FBXO46: variants seen among roughly 807,000 people sequenced by gnomAD.
The protein encoded by FBXO46 is F-box protein 46.
Under a neutral mutation model 30.7 loss-of-function variants are expected in FBXO46, and 13 were observed. The ratio of observed to expected loss-of-function variants is 0.42; its 90% CI spans 0.28 to 0.67. FBXO46 has a LOEUF of 0.67. FBXO46 is among the 30% of genes least tolerant of loss of function. The probability of loss-of-function intolerance (pLI) is 0.21; values close to 1 mark genes in which losing one functional copy is unlikely to be tolerated. For missense variants in FBXO46, 754 were observed against 871.5 expected (o/e 0.87, Z 1.70); for synonymous variants, 467 against 385.8 (o/e 1.21, Z -2.47).
In FBXO46 at chr19:45,712,894, A is replaced by G; in HGVS notation, c.602T>C (p.Phe201Ser). 6.2e-7 allele frequency: 1 copy of G among 1,613,266 alleles called. No homozygotes were observed. Among genetic ancestry groups the G allele is most frequent in the East Asian group, 2.2e-5 (1 of 44,846 alleles). Residue 201 changes from phenylalanine (F) to serine (S), a missense_variant, in exon 2 of 2, where the codon TTT (phenylalanine) becomes TCT (serine). This residue lies in a region of FBXO46 where 454 missense variants were observed against 426.5 expected (regional missense o/e 1.06). Coordinates refer to ENST00000317683, the MANE Select transcript of FBXO46 (RefSeq NM_001080469.2). This position sits in a 1 kb window ranked among gnomAD's most constrained non-coding sequence, Gnocchi z 8.8. Reference sequence around the variant, plus strand: ...CGGTCCACCTTGCTCGGCGGACACAAAGACTACAGGCGCTGGGGTGGTCGG... The same window carrying G: ...CGGTCCACCTTGCTCGGCGGACACAGAGACTACAGGCGCTGGGGTGGTCGG... ...PRPTTPAPVV[F>S]VSAEQGGPAK...
chr19:45,720,417 G>A (rs1968153442), intron 1 of FBXO46, among the ~76,000 whole-genome samples: 1 of 152,084 alleles, frequency 6.6e-6, no homozygotes. Flanking sequence ...ACAGGCGTGA[G>A]CCACTGCACC....
chr19:45,725,745 T>TA (rs1968230978), intron 1 of FBXO46, among the ~76,000 whole-genome samples: 1 of 152,060 alleles, frequency 6.6e-6, no homozygotes, highest in African/African-American at 2.4e-5. Flanking sequence ...AAAACTTAAA[T>TA]AAAAATGAAT....
intron 1 of FBXO46, among the ~76,000 whole-genome samples, chr19:45,726,162 T>C (rs1354371861): frequency 1.3e-5 from 2 of 151,362 alleles, no homozygotes; most frequent in Non-Finnish European, 2.9e-5. Context: ...GGCAACATAG[T>C]GAGAACCCGT....
chr19:45,731,075 G>T (rs1215433086), upstream of FBXO46, among the ~76,000 whole-genome samples: 7 of 152,224 alleles, frequency 4.6e-5, no homozygotes, highest in Admixed American at 4.6e-4. Context: ...ACAAAGCCGG[G>T]GAGGACTTGG....
chr19:45,725,525 GT>G (rs1216124790), intron 1 of FBXO46, among the ~76,000 whole-genome samples: 1 of 151,948 alleles, frequency 6.6e-6, no homozygotes, highest in African/African-American at 2.4e-5. Flanking sequence ...GAGTCTCATT[GT>G]TCAGGACTAG....
chr19:45,718,128 C>T (rs962538625), intron 1 of FBXO46, among the ~76,000 whole-genome samples: 2 of 152,166 alleles, frequency 1.3e-5, no homozygotes, highest in Non-Finnish European at 2.9e-5. Context: ...CAGTCGCATC[C>T]CTCCCCACTC....
At position 45,711,602 on chromosome 19, in the gene FBXO46, G is replaced by C. The variant is rs1456613870; in HGVS notation, c.*82C>G. On this transcript the variant is annotated 3_prime_UTR_variant, in exon 2 of 2. Coordinates refer to ENST00000317683, the MANE Select transcript of FBXO46 (RefSeq NM_001080469.2). Reference sequence around the variant, plus strand: ...GCTGCCTGGAGTAGGGGAATGGGCAGGCGGCCCAGTCCGGACCCTCGGCTC... The same window carrying C: ...GCTGCCTGGAGTAGGGGAATGGGCACGCGGCCCAGTCCGGACCCTCGGCTC... The C allele has an allele frequency of 2.7e-6, 3 of 1,093,038 alleles. No homozygotes were observed. Among genetic ancestry groups the C allele is most frequent in the Non-Finnish European group, 4.0e-6 (3 of 742,898 alleles). The allele number at this position is 1,093,038 out of a possible 1,614,324, so 67.7% of individuals were successfully genotyped here.
In FBXO46 at chr19:45,711,031, TTG is replaced by T. The variant is rs200723466; in HGVS notation, c.*651_*652del. ...GGGTTTTTATACTTCAGCTTTTTTT[TTG>T]TCTGCCCCCCTCTTCCTCTACGCGG... is the stretch of plus-strand genomic sequence containing the variant. On this transcript the variant is annotated 3_prime_UTR_variant, in exon 2 of 2. Transcript: ENST00000317683. 102 of 228,700 alleles carry T rather than the reference TTG, an allele frequency of 4.5e-4. No individual in the cohort carries two copies. Among genetic ancestry groups the T allele is most frequent in the African/African-American group, 1.8e-3 (64 of 35,304 alleles). The allele number at this position is 228,700 out of a possible 1,614,324, so 14.2% of individuals were successfully genotyped here. A position where few individuals can be genotyped will look rare whatever the true frequency, so the allele number is the denominator to read the frequency against.
In FBXO46 at chr19:45,713,883, G is replaced by A. The variant is rs545404478; in HGVS notation, c.-78-310C>T. 2.6e-4 allele frequency among the ~76,000 whole-genome samples: 38 copies of A among 148,850 alleles called. No individual in the cohort carries two copies. The highest frequency in any genetic ancestry group is 9.0e-4 in the African/African-American group (36 of 40,208). The stretch of plus-strand genomic sequence containing the variant: ...CTTGGGAGGCTGAGGCACGAGAATC[G>A]CTTGAACCTGGGAGGTGGAGGTTGC... On this transcript the variant is annotated intron_variant, in intron 1 of 1. Coordinates refer to ENST00000317683, the MANE Select transcript of FBXO46 (RefSeq NM_001080469.2). The surrounding 1 kb of genome is among the most constrained non-coding windows in gnomAD (Gnocchi z 4.7).
intron 1 of FBXO46, chr19:45,715,813 A>AG (rs1248257623): frequency 1.3e-5 from 2 of 151,042 alleles, no homozygotes; most frequent in Non-Finnish European, 3.0e-5. Flanking sequence ...TCTCAAAAAA[A>AG]AAAAAAAAAA....
intron 1 of FBXO46, among the ~76,000 whole-genome samples, chr19:45,717,733 G>A (rs905441657): frequency 1.0e-4 from 15 of 147,622 alleles, no homozygotes; most frequent in Admixed American, 8.9e-4. Context: ...AAGGCGGAAG[G>A]AAGCAGGCGG....
chr19:45,720,959 C>G (rs1346027288), intron 1 of FBXO46, among the ~76,000 whole-genome samples: 1 of 147,620 alleles, frequency 6.8e-6, no homozygotes, highest in Non-Finnish European at 1.5e-5. Context: ...CGAGATTGCA[C>G]CACTGCACTC....
At chr19:45,727,263 GAA>G (rs60110826) in intron 1 of FBXO46, among the ~76,000 whole-genome samples, 11 of 146,998 alleles carry the variant, frequency 7.5e-5, no homozygotes, top group African/African-American at 1.8e-4. Context: ...CAAAAAAAAA[GAA>G]AAAAAAAAAG....
In FBXO46 at chr19:45,711,635, G is replaced by C; in HGVS notation, c.*49C>G. 1 of 1,407,514 alleles carries C rather than the reference G, an allele frequency of 7.1e-7. No individual in the cohort carries two copies. The highest frequency in any genetic ancestry group is 9.7e-7 in the Non-Finnish European group (1 of 1,030,190). 87.2% of individuals were successfully genotyped at this position (1,407,514 alleles called of 1,614,324 possible). On this transcript the variant is annotated 3_prime_UTR_variant, in exon 2 of 2. Coordinates refer to ENST00000317683, the MANE Select transcript of FBXO46 (RefSeq NM_001080469.2). ...AGTCCGGACCCTCGGCTCCCGGGGGGAGAGGGGAGGGGTGGGCGTGGTGGG... is the reference window on the plus strand; with the variant it reads ...AGTCCGGACCCTCGGCTCCCGGGGGCAGAGGGGAGGGGTGGGCGTGGTGGG...
rs558196108 is a variant in FBXO46 at position 45,711,225 on chromosome 19, T to C, written c.*459A>G. On this transcript the variant is annotated 3_prime_UTR_variant, in exon 2 of 2. Transcript: ENST00000317683. ...GAGGTGAGAGCTGTCGTGTGGCAGG[T>C]TAGGAGAGGTGCCAACCTTGGGCGA... 2 of 424,774 alleles carry C rather than the reference T, an allele frequency of 4.7e-6. No individual in the cohort carries two copies. Among genetic ancestry groups the C allele is most frequent in the South Asian group, 1.7e-5 (1 of 58,538 alleles). The allele number at this position is 424,774 out of a possible 1,614,324, so 26.3% of individuals were successfully genotyped here.
At position 45,712,143 on chromosome 19, in the gene FBXO46, G is replaced by A. The variant is rs555629800; in HGVS notation, c.1353C>T (p.His451=). 39 of 1,594,612 alleles carry A rather than the reference G, an allele frequency of 2.4e-5. No homozygotes were observed. Among genetic ancestry groups the A allele is most frequent in the Admixed American group, 2.0e-4 (11 of 56,410 alleles). Residue 451 remains histidine (H), a synonymous_variant, in exon 2 of 2, where the codon CAC becomes CAT. Transcript: ENST00000317683. The surrounding 1 kb of genome is among the most constrained non-coding windows in gnomAD (Gnocchi z 8.8). ...GGATCTCTAGGAAGTCGTGCGACAC[G>A]TGCCGGTACAAGCGGCACAGGGAGG... is the stretch of plus-strand genomic sequence containing the variant. The part of the protein sequence containing the change: ...ADTSLCRLYR[H]VSHDFLEIRF...
intron 1 of FBXO46, among the ~76,000 whole-genome samples, chr19:45,714,094 G>A (rs977560549): frequency 9.9e-5 from 15 of 151,582 alleles, no homozygotes; most frequent in African/African-American, 2.2e-4. Flanking sequence ...CTGGCAGCAC[G>A]CACCAACCCC....
intron 1 of FBXO46, chr19:45,714,467 A>G (rs1389572673): frequency 6.6e-6 from 1 of 152,084 alleles, no homozygotes; most frequent in East Asian, 1.9e-4. Flanking sequence ...AAGACAGTAC[A>G]GGGGATTCCC....
In FBXO46 at chr19:45,712,886, C is replaced by T. The variant is rs375383163; in HGVS notation, c.610G>A (p.Ala204Thr). Residue 204 changes from alanine (A) to threonine (T), a missense_variant, in exon 2 of 2, where the codon GCC (alanine) becomes ACC (threonine). By Grantham distance (58) the Ala-to-Thr change is moderately conservative (BLOSUM62 0). Transcript: ENST00000317683. The surrounding 1 kb of genome is among the most constrained non-coding windows in gnomAD (Gnocchi z 8.8). ...TTPAPVVFVSAEQGGPAKGVG... is the reference protein window; with the variant it reads ...TTPAPVVFVSTEQGGPAKGVG... Reference sequence around the variant, plus strand: ...CCCTTGGCCGGTCCACCTTGCTCGGCGGACACAAAGACTACAGGCGCTGGG... The same window carrying T: ...CCCTTGGCCGGTCCACCTTGCTCGGTGGACACAAAGACTACAGGCGCTGGG... 101 of 1,613,242 alleles carry T rather than the reference C, an allele frequency of 6.3e-5. No homozygotes were observed. The highest frequency in any genetic ancestry group is 4.4e-4 in the South Asian group (40 of 91,032).
Sources: allele counts gnomAD v4.1 joint callset (sites outside exome capture counted in the v4.1 genomes callset), GRCh38; gene constraint gnomAD v4.1.1; regional missense constraint gnomAD v4.1.1; non-coding constraint Gnocchi (gnomAD v3.1); transcripts MANE v1.5; gene names NCBI Gene and HGNC (gene_info 2026-07-23, HGNC 2026-07-21).